Variants in ZNF43 observed in about 807,000 individuals in gnomAD.
ZNF43 encodes the protein zinc finger protein 43, also known as zinc finger protein 39-like 1 (KOX 27).
ZNF43 carries 44 observed loss-of-function variants against 68.4 expected under a neutral mutation model. The ratio of observed to expected loss-of-function variants is 0.64; its 90% CI spans 0.51 to 0.83. The LOEUF (loss-of-function observed/expected upper bound fraction) is 0.83. ZNF43 is among the 40% of genes least tolerant of loss of function. The probability of loss-of-function intolerance (pLI) is 0.00; values close to 1 mark genes in which losing one functional copy is unlikely to be tolerated. For missense variants in ZNF43, 896 were observed against 933.2 expected (o/e 0.96, Z 0.52); for synonymous variants, 308 against 307.8 (o/e 1.00, Z -0.01).
At chr19:21,847,198 G>A (rs1374191529) in intron 1 of ZNF43, among the ~76,000 whole-genome samples, 2 of 152,186 alleles carry the variant, frequency 1.3e-5, no homozygotes, top group East Asian at 3.9e-4. Flanking sequence ...GCAGGCAGAA[G>A]AGGAGAGTCA....
In ZNF43 at chr19:21,807,930, C is replaced by T. The variant is rs1063324; in HGVS notation, c.2107G>A (p.Glu703Lys). ...LSTHKIIHTGEKPYKCEKCGK... is the reference protein window; with the variant it reads ...LSTHKIIHTGKKPYKCEKCGK... ...CATTTTTCACATTTGTAGGGTTTCT[C>T]TCCAGTATGAATAATCTTATGTGTA... Residue 703 changes from glutamate (E) to lysine (K), a missense_variant, in exon 4 of 4, where the codon GAG becomes AAG. Coordinates refer to ENST00000354959, the MANE Select transcript of ZNF43 (RefSeq NM_003423.4). The T allele has an allele frequency of 6.2e-7, 1 of 1,612,836 alleles. No homozygotes were observed. Among genetic ancestry groups the T allele is most frequent in the East Asian group, 2.2e-5 (1 of 44,794 alleles).
chr19:21,847,419 A>G (rs745355063), intron 1 of ZNF43, among the ~76,000 whole-genome samples: 4 of 152,162 alleles, frequency 2.6e-5, no homozygotes, highest in Non-Finnish European at 4.4e-5. Context: ...ATTACTGGTC[A>G]GGCGCGGTGG....
At chr19:21,821,586 C>CCCAGATTT (rs1362970099) in intron 1 of ZNF43, among the ~76,000 whole-genome samples, 1 of 151,998 alleles carries the variant, frequency 6.6e-6, no homozygotes. Context: ...CCCAGTTTTC[C>CCCAGATTT]CCAATAGAAA....
chr19:21,849,216 C>T (rs571664886), intron 1 of ZNF43, among the ~76,000 whole-genome samples: 32 of 152,162 alleles, frequency 2.1e-4, no homozygotes, highest in South Asian at 6.2e-4. Context: ...TGGCTGGGCA[C>T]GGTGGCTGGC....
intron 3 of ZNF43, among the ~76,000 whole-genome samples, chr19:21,815,508 T>TATATATATATATATATA (rs1568355553): frequency 6.7e-6 from 1 of 148,902 alleles, no homozygotes; most frequent in East Asian, 2.0e-4. Flanking sequence ...TATATATATA[T>TATATATATATATATATA]TTTGCAGAAT....
At position 21,805,151 on chromosome 19, in the gene ZNF43, C is replaced by T. The variant is rs891000576; in HGVS notation, c.*2456G>A. On this transcript the variant is annotated 3_prime_UTR_variant, in exon 4 of 4. Coordinates refer to ENST00000354959, the MANE Select transcript of ZNF43 (RefSeq NM_003423.4). ...TACATATTATATGCCTGTATCAAAA[C>T]ATGTTATATATTGCATAAATATATA... 2 of 152,176 alleles carry T rather than the reference C, an allele frequency of 1.3e-5. No homozygotes were observed. The highest frequency in any genetic ancestry group is 4.8e-5 in the African/African-American group (2 of 41,526). 9.4% of individuals were successfully genotyped at this position (152,176 alleles called of 1,614,324 possible).
Position 21,809,284 on chromosome 19 carries a change from A to AT in ZNF43, c.752dup (p.Asn251LysfsTer4), listed in dbSNP as rs753886536. 33 of 1,612,474 alleles carry AT rather than the reference A, an allele frequency of 2.0e-5. No homozygotes were observed. The highest frequency in any genetic ancestry group is 4.5e-5 in the East Asian group (2 of 44,748). On this transcript the variant is annotated frameshift_variant, in exon 4 of 4. Coordinates refer to ENST00000354959, the MANE Select transcript of ZNF43 (RefSeq NM_003423.4). LOFTEE classifies it high-confidence loss of function. ...ATTTGTAGAGTTTGTATCTAGTATA[A>AT]TTTTTTTTATGTGTAGTAAGGCGTG...
intron 1 of ZNF43, among the ~76,000 whole-genome samples, chr19:21,822,382 C>T (rs950478830): frequency 6.6e-6 from 1 of 151,108 alleles, no homozygotes; most frequent in Non-Finnish European, 1.5e-5. Flanking sequence ...TTAATTAAAA[C>T]AACATGGATG....
chr19:21,823,268 C>T (rs778450646), intron 1 of ZNF43, among the ~76,000 whole-genome samples: 4 of 151,902 alleles, frequency 2.6e-5, no homozygotes, highest in Non-Finnish European at 5.9e-5. Flanking sequence ...TTTTTAATGG[C>T]CATAAGAAAT....
chr19:21,843,880 T>C (rs1218375924), intron 1 of ZNF43, among the ~76,000 whole-genome samples: 1 of 152,196 alleles, frequency 6.6e-6, no homozygotes, highest in Non-Finnish European at 1.5e-5. Flanking sequence ...AGAGTCAATT[T>C]TGCAATTTTC....
intron 1 of ZNF43, chr19:21,849,766 T>A (rs1208472760): frequency 6.6e-6 from 1 of 152,016 alleles, no homozygotes; most frequent in Non-Finnish European, 1.5e-5. Flanking sequence ...TAATTCTCTA[T>A]GACATTTGTA....
At chr19:21,821,726 G>C (rs1192236419) in intron 1 of ZNF43, among the ~76,000 whole-genome samples, 3 of 146,922 alleles carry the variant, frequency 2.0e-5, no homozygotes, top group Non-Finnish European at 4.5e-5. Context: ...TGTAGAGAAG[G>C]CTCTGTTATA....
chr19:21,838,407 T>C (rs962068619), upstream of ZNF43, among the ~76,000 whole-genome samples: 2 of 151,866 alleles, frequency 1.3e-5, no homozygotes, highest in Non-Finnish European at 2.9e-5. Flanking sequence ...AAATTTTTTT[T>C]TTTTTTTTTG....
chr19:21,811,984 G>A (rs2037296086), intron 3 of ZNF43: 1 of 398,066 alleles, frequency 2.5e-6, no homozygotes, highest in Non-Finnish European at 4.4e-6. Context: ...GAAAAGAACA[G>A]AAAAATTTAA....
intron 1 of ZNF43, among the ~76,000 whole-genome samples, chr19:21,829,203 G>A (rs377449674): frequency 2.6e-5 from 4 of 151,802 alleles, no homozygotes; most frequent in Non-Finnish European, 4.4e-5. Context: ...GAGCCTGGGT[G>A]ACAGAGTGAG....
At position 21,808,133 on chromosome 19, in the gene ZNF43, G is replaced by A. The variant is rs771611737; in HGVS notation, c.1904C>T (p.Ser635Leu). Reference sequence around the variant, plus strand: ...AATTATCTTATGTTTAGTAAGAGTTGAGAACTGGTTAAAAGCTTTGCCACA... The same window carrying A: ...AATTATCTTATGTTTAGTAAGAGTTAAGAACTGGTTAAAAGCTTTGCCACA... The part of the protein sequence containing the change: ...EECGKAFNQF[S>L]TLTKHKIIHT... The change falls in exon 4 of 4, where the codon TCA becomes TTA. Residue 635 changes from serine (S) to leucine (L), a missense_variant. Physicochemically the swap from Ser to Leu is moderately radical, Grantham distance 145. Transcript: ENST00000354959. 30 of 1,613,244 alleles carry A rather than the reference G, an allele frequency of 1.9e-5. No homozygotes were observed. The highest frequency in any genetic ancestry group is 2.5e-5 in the Non-Finnish European group (29 of 1,179,814).
intron 1 of ZNF43, among the ~76,000 whole-genome samples, chr19:21,830,319 AAAAG>A (rs1301776771): frequency 6.6e-6 from 1 of 151,966 alleles, no homozygotes; most frequent in Admixed American, 6.6e-5. Context: ...AACAAACAAA[AAAAG>A]AAATCCAGGA....
In ZNF43 at chr19:21,836,114, T is replaced by C; in HGVS notation, c.-76A>G. On this transcript the variant is annotated 5_prime_UTR_variant, in exon 1 of 4. Coordinates refer to ENST00000354959, the MANE Select transcript of ZNF43 (RefSeq NM_003423.4). ...CCGCAGGTCACAGAGCCACAGAGGC[T>C]GGACCTCTAGCAGCAGAGGACACAG... The C allele has an allele frequency of 6.2e-7, 1 of 1,610,152 alleles. No individual in the cohort carries two copies. The highest frequency in any genetic ancestry group is 8.5e-7 in the Non-Finnish European group (1 of 1,177,546).
intron 1 of ZNF43, among the ~76,000 whole-genome samples, chr19:21,834,164 C>CTTG: frequency 6.6e-6 from 1 of 151,598 alleles, no homozygotes; most frequent in Admixed American, 6.6e-5. Flanking sequence ...ATGGAAAAAC[C>CTTG]TTGTCTCTAA....
Sources: gnomAD v4.1 joint callset for allele counts (sites outside exome capture counted in the v4.1 genomes callset) on GRCh38, gnomAD v4.1.1 for gene constraint, MANE v1.5 for transcripts, NCBI Gene and HGNC (gene_info 2026-07-23, HGNC 2026-07-21) for gene names.